Variants in LRRC4C observed in about 807,000 individuals in gnomAD.
LRRC4C encodes the protein leucine rich repeat containing 4C.
In LRRC4C, 5 loss-of-function variants were observed where a neutral mutation model predicts 33.6. That is an observed-to-expected ratio of 0.15 (90% CI 0.08 to 0.31). The LOEUF is 0.31. Among genes scored for constraint, LRRC4C ranks in the 10% least tolerant of loss-of-function variants. The pLI is 1.00. For synonymous variants in LRRC4C, 329 were observed against 302.0 expected, an observed-to-expected ratio of 1.09 and a Z score of -0.93; for missense variants, 560 against 796.7, an observed-to-expected ratio of 0.70 and a Z score of 3.58.
chr11:41,393,592 G>C (rs548705020), intron 1 of LRRC4C, among the ~76,000 whole-genome samples: 1 of 151,958 alleles, frequency 6.6e-6, no homozygotes, highest in Admixed American at 6.6e-5. Context: ...CTGCAAAAAT[G>C]CTACATTTAA....
At chr11:40,847,588 G>A (rs1239578161) in intron 2 of LRRC4C, among the ~76,000 whole-genome samples, 1 of 152,076 alleles carries the variant, frequency 6.6e-6, no homozygotes, top group African/African-American at 2.4e-5. Flanking sequence ...TGTTCATCAG[G>A]GATACTGGCC....
chr11:40,450,027 A>AT (rs1168837639), intron 3 of LRRC4C, among the ~76,000 whole-genome samples: 4 of 152,032 alleles, frequency 2.6e-5, no homozygotes, highest in East Asian at 1.9e-4. Flanking sequence ...ATTAGGTAGT[A>AT]TTTTTTTAAT....
At chr11:40,783,587 C>T (rs1591710085) in intron 2 of LRRC4C, among the ~76,000 whole-genome samples, 1 of 152,248 alleles carries the variant, frequency 6.6e-6, no homozygotes, top group South Asian at 2.1e-4. Flanking sequence ...GCTGAGATTA[C>T]AGACATGAGC....
At chr11:40,611,613 A>G (rs545275425) in intron 3 of LRRC4C, among the ~76,000 whole-genome samples, 5 of 151,836 alleles carry the variant, frequency 3.3e-5, no homozygotes, top group Non-Finnish European at 7.4e-5. Context: ...CAAACCACAT[A>G]TCTGAAAAGG....
chr11:40,234,404 A>G (rs1865413246), intron 5 of LRRC4C, among the ~76,000 whole-genome samples: 1 of 152,144 alleles, frequency 6.6e-6, no homozygotes, highest in South Asian at 2.1e-4. Flanking sequence ...CTGAGCTCTT[A>G]ATTACAAGAG....
chr11:40,770,851 G>A (rs1335865388), intron 2 of LRRC4C, among the ~76,000 whole-genome samples: 2 of 152,092 alleles, frequency 1.3e-5, no homozygotes, highest in African/African-American at 4.8e-5. Flanking sequence ...GGAAGAGGTG[G>A]GCTCCCATGG....
intron 3 of LRRC4C, among the ~76,000 whole-genome samples, chr11:40,640,624 T>G (rs1942048017): frequency 6.6e-6 from 1 of 152,168 alleles, no homozygotes; most frequent in African/African-American, 2.4e-5. Flanking sequence ...TTTCTAATAA[T>G]AAACTTATTT....
intron 1 of LRRC4C, among the ~76,000 whole-genome samples, chr11:41,418,734 A>T (rs187000804): frequency 2.2e-4 from 34 of 152,130 alleles, no homozygotes; most frequent in Admixed American, 1.6e-3. Context: ...GGTCCAGCTA[A>T]ATTACTTTCT....
chr11:40,831,779 A>G (rs1952423238), intron 2 of LRRC4C, among the ~76,000 whole-genome samples: 1 of 152,016 alleles, frequency 6.6e-6, no homozygotes, highest in Non-Finnish European at 1.5e-5. Flanking sequence ...TTATAAAACC[A>G]TTGGATCTCA....
chr11:40,179,657 C>G (rs1472153268), intron 5 of LRRC4C, among the ~76,000 whole-genome samples: 1 of 152,102 alleles, frequency 6.6e-6, no homozygotes, highest in African/African-American at 2.4e-5. Context: ...ACCCCCGCAT[C>G]CAGCACGTGC....
intron 1 of LRRC4C, among the ~76,000 whole-genome samples, chr11:41,382,943 CATACTT>C (rs1423485642): frequency 3.9e-5 from 6 of 152,200 alleles, no homozygotes; most frequent in African/African-American, 1.4e-4. Context: ...AAAAGCTAAA[CATACTT>C]ATGAGGAAAG....
chr11:40,684,012 T>G (rs1426142258), intron 2 of LRRC4C, among the ~76,000 whole-genome samples: 1 of 152,228 alleles, frequency 6.6e-6, no homozygotes, highest in African/African-American at 2.4e-5. Context: ...GGCAAAGCTA[T>G]GCTGGAGTTA....
intron 2 of LRRC4C, among the ~76,000 whole-genome samples, chr11:40,916,809 T>C (rs1387752941): frequency 6.6e-6 from 1 of 151,790 alleles, no homozygotes; most frequent in Non-Finnish European, 1.5e-5. Flanking sequence ...AGAGGGAGGG[T>C]AGAAAAATTG....
chr11:41,381,204 T>C (rs1277319546), intron 1 of LRRC4C, among the ~76,000 whole-genome samples: 2 of 151,984 alleles, frequency 1.3e-5, no homozygotes, highest in African/African-American at 4.8e-5. Flanking sequence ...ACTGTTAAAC[T>C]TAAAAAACAC....
chr11:40,365,998 T>C (rs1332091533), intron 3 of LRRC4C, among the ~76,000 whole-genome samples: 1 of 152,042 alleles, frequency 6.6e-6, no homozygotes, highest in African/African-American at 2.4e-5. Flanking sequence ...CAGTGGGGTA[T>C]ACAGAATGTT....
At chr11:41,095,298 C>G (rs183936264) in intron 1 of LRRC4C, among the ~76,000 whole-genome samples, 2 of 152,116 alleles carry the variant, frequency 1.3e-5, no homozygotes, top group Non-Finnish European at 2.9e-5. Context: ...AAAATCCACC[C>G]CCATAATCCA....
At chr11:41,072,169 G>A (rs992806540) in intron 1 of LRRC4C, among the ~76,000 whole-genome samples, 5 of 152,044 alleles carry the variant, frequency 3.3e-5, no homozygotes, top group African/African-American at 1.2e-4. Context: ...CAGCAGCACA[G>A]TTGGGAGGAT....
chr11:40,678,352 G>T (rs892409259), intron 2 of LRRC4C, among the ~76,000 whole-genome samples: 1 of 151,804 alleles, frequency 6.6e-6, no homozygotes, highest in African/African-American at 2.4e-5. Context: ...ATTTCCATGC[G>T]CACCAGATAT....
At chr11:40,484,725 T>C (rs895394421) in intron 3 of LRRC4C, among the ~76,000 whole-genome samples, 4 of 152,088 alleles carry the variant, frequency 2.6e-5, no homozygotes, top group Non-Finnish European at 5.9e-5. Flanking sequence ...ATTTCTAATG[T>C]ATCAATGGAA....
Sources: allele counts gnomAD v4.1 joint callset (sites outside exome capture counted in the v4.1 genomes callset), GRCh38; gene constraint gnomAD v4.1.1; transcripts MANE v1.5; gene names NCBI Gene and HGNC (gene_info 2026-07-23, HGNC 2026-07-21).